The following AK9 variants were observed in gnomAD, a reference collection of about 807,000 sequenced individuals.
The protein encoded by AK9 is adenylate kinase 9, also known as adenylate kinase domain containing 1.
Under a neutral mutation model 239.6 loss-of-function variants are expected in AK9, and 191 were observed. The ratio of observed to expected loss-of-function variants is 0.80; its 90% CI spans 0.71 to 0.90. AK9 has a LOEUF of 0.90. AK9 is among the 40% of genes least tolerant of loss of function. AK9 has a pLI of 0.00. For synonymous variants in AK9, 689 were observed against 721.0 expected (o/e 0.96, Z 0.71); for missense variants, 1,995 against 2,214.7 (o/e 0.90, Z 1.99).
chr6:109,672,500 T>C (rs759495200), intron 3 of AK9, among the ~76,000 whole-genome samples: 43 of 151,934 alleles, frequency 2.8e-4, no homozygotes, highest in Non-Finnish European at 5.7e-4. Flanking sequence ...CTAGGCAACA[T>C]AGGGAGACTA....
chr6:109,543,893 T>A (rs1322833053), intron 26 of AK9, among the ~76,000 whole-genome samples: 2 of 151,600 alleles, frequency 1.3e-5, no homozygotes, highest in Non-Finnish European at 2.9e-5. Context: ...CCAAGGTGAG[T>A]GGATCACTTG....
At chr6:109,653,681 T>TC (rs1195578452) in intron 8 of AK9, among the ~76,000 whole-genome samples, 6 of 97,514 alleles carry the variant, frequency 6.2e-5, no homozygotes, top group Non-Finnish European at 1.2e-4. Context: ...GATTTTTTTT[T>TC]TTTTCTCTCT....
intron 28 of AK9, among the ~76,000 whole-genome samples, chr6:109,530,715 T>G (rs543657189): frequency 8.9e-4 from 135 of 152,296 alleles, no homozygotes; most frequent in Non-Finnish European, 1.8e-3. Flanking sequence ...CACTTTCTGC[T>G]CAAAACATAT....
chr6:109,667,012 A>G (rs1220816890), intron 5 of AK9, among the ~76,000 whole-genome samples: 1 of 152,240 alleles, frequency 6.6e-6, no homozygotes, highest in African/African-American at 2.4e-5. Flanking sequence ...AGGATGCCAC[A>G]TATTGACTCT....
At chr6:109,582,603 T>C (rs1412797393) in intron 19 of AK9, among the ~76,000 whole-genome samples, 1 of 152,134 alleles carries the variant, frequency 6.6e-6, no homozygotes, top group Non-Finnish European at 1.5e-5. Context: ...AGAAAAGAAA[T>C]TGGTTTCTTG....
At chr6:109,667,581 T>C (rs991084040) in intron 5 of AK9, among the ~76,000 whole-genome samples, 1 of 149,450 alleles carries the variant, frequency 6.7e-6, no homozygotes, top group African/African-American at 2.5e-5. Context: ...GGCTCCAGTG[T>C]GTGATGTTCC....
chr6:109,686,427 G>C (rs997802601), intron 1 of AK9, among the ~76,000 whole-genome samples: 6 of 152,194 alleles, frequency 3.9e-5, no homozygotes, highest in Non-Finnish European at 5.9e-5. Flanking sequence ...GGCCTCTTTA[G>C]TTTTCAAAGA....
chr6:109,606,295 T>C (rs1011073443), intron 17 of AK9, among the ~76,000 whole-genome samples: 1 of 151,200 alleles, frequency 6.6e-6, no homozygotes, highest in East Asian at 1.9e-4. Flanking sequence ...GATAGATAGA[T>C]AGATAGGAGA....
chr6:109,531,041 C>CAAAAA lies in AK9; in HGVS notation c.3571-1969_3571-1968insTTTTT, dbSNP rs1554244695. Among the ~76,000 whole-genome samples, 348 of 144,406 alleles carry CAAAAA rather than the reference C, an allele frequency of 2.4e-3. 2 individuals are homozygous for CAAAAA. The highest frequency in any genetic ancestry group is 0.011 in the Middle Eastern group (3 of 280). The allele number at this position is 144,406 out of a possible 152,430, so 94.7% of individuals were successfully genotyped here. On this transcript the variant is annotated intron_variant, in intron 28 of 40. Coordinates refer to ENST00000424296, the MANE Select transcript of AK9 (RefSeq NM_001145128.3). ...CTAGCGATAGAGTCAGACTCCGTCT[C>CAAAAA]AAAAGAAAAGAAAAGAAAAGAAAAG...
chr6:109,500,506 C>T (rs529396260), intron 35 of AK9, among the ~76,000 whole-genome samples: 1 of 152,212 alleles, frequency 6.6e-6, no homozygotes, highest in South Asian at 2.1e-4. Context: ...TGTTAGTTGT[C>T]GTTTTACCAA....
At chr6:109,520,886 T>C (rs1779789579) in intron 29 of AK9, among the ~76,000 whole-genome samples, 1 of 152,138 alleles carries the variant, frequency 6.6e-6, no homozygotes, top group Admixed American at 6.5e-5. Context: ...TGGGATTGCA[T>C]TCTTGATTTG....
intron 33 of AK9, among the ~76,000 whole-genome samples, chr6:109,507,893 A>C (rs1056636515): frequency 1.2e-4 from 18 of 152,320 alleles, no homozygotes; most frequent in African/African-American, 4.3e-4. Context: ...CCACTCATAG[A>C]CTGCTAAGTG....
chr6:109,656,964 A>C, intron 7 of AK9, 80 bp from the exon 8 acceptor site: 1 of 1,490,024 alleles, frequency 6.7e-7, no homozygotes, highest in Non-Finnish European at 9.2e-7. Context: ...CACTCCTTAC[A>C]CCTAGATATC....
chr6:109,652,980 T>G (rs909182419), intron 8 of AK9, among the ~76,000 whole-genome samples: 1 of 152,136 alleles, frequency 6.6e-6, no homozygotes, highest in African/African-American at 2.4e-5. Context: ...CAGGCTGGAC[T>G]GCATGGCATG....
Position 109,619,092 on chromosome 6 carries a change from CT to C in AK9, c.1398del (p.Ala467LeufsTer5), listed in dbSNP as rs1232027014. The C allele has an allele frequency of 1.3e-6, 2 of 1,531,982 alleles. No individual in the cohort carries two copies. The highest frequency in any genetic ancestry group is 2.8e-5 in the African/African-American group (2 of 71,436). The allele number at this position is 1,531,982 out of a possible 1,614,324, so 94.9% of individuals were successfully genotyped here. ...KLLRELQARK[Q>X]AETALREFQR... ...CACACATTTTAAAAAGATGTTTCAC[CT>C]TGTTTTCTAGCTTGCAGTTCCCTGA... On this transcript the variant is annotated frameshift_variant and splice_region_variant, in exon 13 of 41. Coordinates refer to ENST00000424296, the MANE Select transcript of AK9 (RefSeq NM_001145128.3). LOFTEE classifies it high-confidence loss of function.
intron 17 of AK9, among the ~76,000 whole-genome samples, chr6:109,599,029 G>C (rs531189515): frequency 1.8e-3 from 275 of 152,276 alleles, no homozygotes; most frequent in African/African-American, 6.4e-3. Context: ...TAGGTTGCCT[G>C]TTCACTCTGA....
chr6:109,576,439 C>G (rs1443911331), intron 20 of AK9, among the ~76,000 whole-genome samples: 2 of 28,696 alleles, frequency 7.0e-5, no homozygotes, highest in South Asian at 2.9e-3. Flanking sequence ...TTTTTTTTTG[C>G]AGCTGTTGTA....
intron 10 of AK9, among the ~76,000 whole-genome samples, chr6:109,640,587 T>TTTTTA (rs1279380962): frequency 6.6e-6 from 1 of 152,084 alleles, no homozygotes; most frequent in Non-Finnish European, 1.5e-5. Context: ...ATTTTTTTTT[T>TTTTTA]TTTTTATTTT....
At chr6:109,514,102 C>T (rs1393993576) in intron 32 of AK9, 122 bp downstream of exon 32, 4 of 924,516 alleles carry the variant, frequency 4.3e-6, no homozygotes, top group Non-Finnish European at 6.4e-6. Flanking sequence ...CACTCAGCCA[C>T]CCTACGATTA....
Sources: gnomAD v4.1 joint callset for allele counts (sites outside exome capture counted in the v4.1 genomes callset) on GRCh38, gnomAD v4.1.1 for gene constraint, MANE v1.5 for transcripts, NCBI Gene and HGNC (gene_info 2026-07-23, HGNC 2026-07-21) for gene names.